The following EIF1AX variants were observed in gnomAD, a reference collection of about 807,000 sequenced individuals.
The protein encoded by EIF1AX is eukaryotic translation initiation factor 1A, X-chromosomal.
A neutral mutation model predicts 16.1 loss-of-function variants in EIF1AX; 1 was observed. The observed-to-expected ratio is 0.06, with a 90% CI of 0.02 to 0.30. EIF1AX has a LOEUF of 0.30. EIF1AX is among the 10% of genes least tolerant of loss of function. EIF1AX has a pLI of 1.00. For synonymous variants in EIF1AX, 32 were observed against 37.3 expected (o/e 0.86, Z 0.51); for missense variants, 11 against 109.1 (o/e 0.10, Z 4.00).
At chrX:20,133,187 C>G (rs1029142110) in intron 4 of EIF1AX, among the ~76,000 whole-genome samples, 1 of 111,581 alleles carries the variant, frequency 9.0e-6, no homozygotes. Context: ...CCTTATCTAT[C>G]GAACAGGAAA....
intron 1 of EIF1AX, among the ~76,000 whole-genome samples, chrX:20,139,641 C>T (rs2067027929): frequency 1.8e-5 from 2 of 111,078 alleles, no homozygotes; most frequent in South Asian, 7.5e-4. Context: ...GTGGTAATGA[C>T]CCTAAGAGAC....
At chrX:20,130,646 T>C in intron 5 of EIF1AX, 39 bp from the exon 6 acceptor site, 1 of 1,120,211 alleles carries the variant, frequency 8.9e-7, no homozygotes. Context: ...GTCAGCACTG[T>C]AATTTACTCA....
chrX:20,129,234 C>G (rs1017734657), intron 6 of EIF1AX, among the ~76,000 whole-genome samples: 15 of 111,471 alleles, frequency 1.3e-4, no homozygotes, highest in African/African-American at 4.2e-4. Flanking sequence ...TCAGGAACAA[C>G]TGCTCTAGGT....
intron 3 of EIF1AX, among the ~76,000 whole-genome samples, chrX:20,135,203 T>C (rs954104375): frequency 1.8e-5 from 2 of 109,478 alleles, no homozygotes; most frequent in Non-Finnish European, 3.8e-5. Flanking sequence ...TCCCAGCATT[T>C]TGGGAGGCCA....
chrX:20,141,566 G>A, intron 1 of EIF1AX, 59 bp downstream of exon 1: 1 of 1,129,675 alleles, frequency 8.9e-7, no homozygotes, highest in Non-Finnish European at 1.2e-6. Context: ...CAATCTACGG[G>A]CAGGACCTGG....
intron 2 of EIF1AX, chrX:20,136,516 T>C (rs2067017581): frequency 6.8e-6 from 1 of 146,524 alleles, no homozygotes; most frequent in African/African-American, 3.1e-5. Flanking sequence ...TGGCTCTCCT[T>C]TACCTCAGTA....
At chrX:20,134,989 C>T (rs931482244) in intron 3 of EIF1AX, among the ~76,000 whole-genome samples, 11 of 111,192 alleles carry the variant, frequency 9.9e-5, no homozygotes, top group African/African-American at 2.9e-4. Context: ...TCTGAATGTA[C>T]ACTTTACAGC....
intron 3 of EIF1AX, among the ~76,000 whole-genome samples, chrX:20,135,100 CTTTTTTTTT>C (rs755530368): frequency 5.7e-5 from 5 of 88,250 alleles, no homozygotes; most frequent in Admixed American, 2.5e-4. Flanking sequence ...AGTACCCCAG[CTTTTTTTTT>C]TTTTTTTTTT....
intron 5 of EIF1AX, 109 bp from the exon 6 acceptor site, chrX:20,130,716 GA>G (rs1225501834): frequency 1.3e-5 from 10 of 771,492 alleles, no homozygotes; most frequent in African/African-American, 2.2e-5. Context: ...AATATTTTAT[GA>G]AAAAAAATTC....
At chrX:20,138,136 C>T (rs1232495269) in intron 2 of EIF1AX, among the ~76,000 whole-genome samples, 1 of 105,722 alleles carries the variant, frequency 9.5e-6, no homozygotes, top group African/African-American at 3.5e-5. Flanking sequence ...TCCTGAGTAG[C>T]TGGGATTACA....
chrX:20,126,332 C>A lies in EIF1AX; in HGVS notation c.*1974G>T, dbSNP rs1488261757. 1 of 125,576 alleles carries A rather than the reference C, an allele frequency of 8.0e-6. No homozygotes were observed. The highest frequency in any genetic ancestry group is 1.2e-4 in the East Asian group (1 of 8,416). 10.3% of individuals were successfully genotyped at this position (125,576 alleles called of 1,213,427 possible). A position where few individuals can be genotyped will look rare whatever the true frequency, so the allele number is the denominator to read the frequency against. ...ATTGCATATAAGCTACAACTTTACC[C>A]CAACTATTTTAATCACTATGATTCG... On this transcript the variant is annotated 3_prime_UTR_variant, in exon 7 of 7. Transcript: ENST00000379607.
chrX:20,141,016 C>G (rs147525235), intron 1 of EIF1AX, among the ~76,000 whole-genome samples: 1 of 111,049 alleles, frequency 9.0e-6, no homozygotes, highest in Admixed American at 9.6e-5. Context: ...GAAAACTTGG[C>G]TCAATATGGA....
chrX:20,134,423 A>G (rs1252427948), intron 3 of EIF1AX, among the ~76,000 whole-genome samples: 1 of 110,218 alleles, frequency 9.1e-6, no homozygotes, highest in Non-Finnish European at 1.9e-5. Flanking sequence ...TAAAAGAAAA[A>G]AAAAAAGAAA....
At chrX:20,130,651 T>G (rs752167266) in intron 5 of EIF1AX, 44 bp from the exon 6 acceptor site, 3 of 1,101,546 alleles carry the variant, frequency 2.7e-6, no homozygotes, top group Admixed American at 6.0e-5. Flanking sequence ...CACTGTAATT[T>G]ACTCAAAGTT....
chrX:20,133,525 T>TAAA (rs1190031056), intron 4 of EIF1AX, among the ~76,000 whole-genome samples: 10 of 108,953 alleles, frequency 9.2e-5, no homozygotes, highest in African/African-American at 3.4e-4. Flanking sequence ...TTTTTTTTTT[T>TAAA]AAATCAAAGT....
chrX:20,130,491 G>GA, intron 6 of EIF1AX, 25 bp downstream of exon 6: 1 of 1,153,592 alleles, frequency 8.7e-7, no homozygotes. Flanking sequence ...ACAAAAATTG[G>GA]AAAACACAAG....
intron 2 of EIF1AX, among the ~76,000 whole-genome samples, chrX:20,136,603 T>C (rs1259569549): frequency 8.9e-6 from 1 of 112,249 alleles, no homozygotes; most frequent in Non-Finnish European, 1.9e-5. Flanking sequence ...TTTGTTGAAT[T>C]AGAATATGAC....
chrX:20,130,660 T>C, intron 5 of EIF1AX, 53 bp from the exon 6 acceptor site: 1 of 1,082,604 alleles, frequency 9.2e-7, no homozygotes, highest in Non-Finnish European at 1.2e-6. Flanking sequence ...TTACTCAAAG[T>C]TTCATCATAA....
At chrX:20,133,875 G>T in intron 4 of EIF1AX, 82 bp downstream of exon 4, 1 of 769,981 alleles carries the variant, frequency 1.3e-6, no homozygotes, top group East Asian at 3.3e-5. Flanking sequence ...CTAGCACAAT[G>T]CCTGAAACAA....
Sources: gnomAD v4.1 joint callset for allele counts (sites outside exome capture counted in the v4.1 genomes callset) on GRCh38, gnomAD v4.1.1 for gene constraint, MANE v1.5 for transcripts, NCBI Gene and HGNC (gene_info 2026-07-23, HGNC 2026-07-21) for gene names.